Variants in SNTG1 observed in about 807,000 individuals in gnomAD.
SNTG1 encodes the protein syntrophin gamma 1.
In SNTG1, 39 loss-of-function variants were observed where a neutral mutation model predicts 74.7. The observed-to-expected ratio is 0.52, with a 90% CI of 0.40 to 0.68. The LOEUF (loss-of-function observed/expected upper bound fraction) is 0.68. SNTG1 is among the 30% of genes least tolerant of loss of function. The pLI, the probability that SNTG1 is intolerant of heterozygous loss-of-function variation, is 0.00. For synonymous variants in SNTG1, 254 were observed against 217.1 expected (o/e 1.17, Z -1.49); for missense variants, 685 against 609.5 (o/e 1.12, Z -1.30).
chr8:50,443,701 C>G (rs2093379165), intron 5 of SNTG1, among the ~76,000 whole-genome samples: 2 of 152,096 alleles, frequency 1.3e-5, no homozygotes, highest in Non-Finnish European at 2.9e-5. Context: ...CTCAGTCCCC[C>G]TAGAAGCCGA....
intron 1 of SNTG1, among the ~76,000 whole-genome samples, chr8:50,104,756 T>G (rs1009913357): frequency 1.3e-5 from 2 of 152,224 alleles, no homozygotes; most frequent in African/African-American, 2.4e-5. Flanking sequence ...GATTCTGGTA[T>G]GTTGTGTCTT....
At chr8:50,270,506 G>A (rs529094492) in intron 2 of SNTG1, among the ~76,000 whole-genome samples, 13 of 152,118 alleles carry the variant, frequency 8.5e-5, no homozygotes, top group Middle Eastern at 3.4e-3. Context: ...GATCAGAGAG[G>A]TATCTCATAA....
chr8:50,180,782 CAA>C (rs2083176165), intron 2 of SNTG1, among the ~76,000 whole-genome samples: 2 of 35,972 alleles, frequency 5.6e-5, no homozygotes, highest in Non-Finnish European at 9.7e-5. Context: ...TTTTTTTTAA[CAA>C]AGTTTTGCTC....
At chr8:50,078,538 C>CT (rs1297957055) in intron 1 of SNTG1, among the ~76,000 whole-genome samples, 2 of 151,798 alleles carry the variant, frequency 1.3e-5, no homozygotes, top group Admixed American at 1.3e-4. Flanking sequence ...AGATTTTTTT[C>CT]TTTTTTTACA....
intron 17 of SNTG1, among the ~76,000 whole-genome samples, chr8:50,729,760 G>A (rs2095508420): frequency 6.6e-6 from 1 of 152,156 alleles, no homozygotes; most frequent in South Asian, 2.1e-4. Context: ...CTGACCCACA[G>A]GTAATTGTAC....
chr8:50,363,030 G>A (rs1177021099), intron 2 of SNTG1, among the ~76,000 whole-genome samples: 3 of 151,920 alleles, frequency 2.0e-5, no homozygotes, highest in Non-Finnish European at 4.4e-5. Context: ...TCAGGACATA[G>A]CAGAACTTAA....
chr8:50,208,862 C>T (rs933773096), intron 2 of SNTG1, among the ~76,000 whole-genome samples: 5 of 152,136 alleles, frequency 3.3e-5, no homozygotes, highest in African/African-American at 1.2e-4. Flanking sequence ...TCTGCATTTC[C>T]AAGTGAGGTA....
At position 50,794,924 on chromosome 8, in the gene SNTG1, C is replaced by G. The variant is rs575178052; in HGVS notation, c.*2095C>G. 1 of 151,922 alleles carries G rather than the reference C, an allele frequency of 6.6e-6. No homozygotes were observed. Among genetic ancestry groups the G allele is most frequent in the Non-Finnish European group, 1.5e-5 (1 of 67,940 alleles). 9.4% of individuals were successfully genotyped at this position (151,922 alleles called of 1,614,324 possible). Reference sequence around the variant, plus strand: ...AAAAAACCTATTAACCATTAGCTATCTTTTTAGTGTTATTATGAAAATTTA... The same window carrying G: ...AAAAAACCTATTAACCATTAGCTATGTTTTTAGTGTTATTATGAAAATTTA... On this transcript the variant is annotated 3_prime_UTR_variant, in exon 19 of 19. Coordinates refer to ENST00000642720, the MANE Select transcript of SNTG1 (RefSeq NM_018967.5).
intron 15 of SNTG1, among the ~76,000 whole-genome samples, chr8:50,667,232 C>T (rs1040670884): frequency 1.9e-4 from 29 of 152,046 alleles, no homozygotes; most frequent in East Asian, 5.8e-4. Flanking sequence ...AATCATTTTA[C>T]GATAGAATTT....
chr8:50,319,530 T>A lies in SNTG1; in HGVS notation c.-27-74682T>A, dbSNP rs969756025. On this transcript the variant is annotated intron_variant, in intron 2 of 18. Coordinates refer to ENST00000642720, the MANE Select transcript of SNTG1 (RefSeq NM_018967.5). ...CTCTGCAAACAAGGATAATTAGACA[T>A]CTTCCTTTTCAATTTGTATGGCCTT... Among the ~76,000 whole-genome samples the A allele has an allele frequency of 8.5e-5, 13 of 152,192 alleles. No individual in the cohort carries two copies. The South Asian group carries it at 1.0e-3, about 12-fold the overall frequency.
At chr8:50,446,379 C>CAA (rs10679057) in intron 5 of SNTG1, among the ~76,000 whole-genome samples, 95,067 of 145,676 alleles carry the variant, frequency 0.65, 31,282 homozygotes, top group East Asian at 0.82. Context: ...AATTTAAAAG[C>CAA]AAAAAAAAAA....
chr8:50,584,503 T>C (rs1436800131), intron 12 of SNTG1, among the ~76,000 whole-genome samples: 1 of 140,358 alleles, frequency 7.1e-6, no homozygotes, highest in Non-Finnish European at 1.5e-5. Context: ...GATTTACATT[T>C]CTCTGATTCT....
intron 15 of SNTG1, among the ~76,000 whole-genome samples, chr8:50,672,299 C>A (rs2095287871): frequency 6.6e-6 from 1 of 152,040 alleles, no homozygotes; most frequent in Non-Finnish European, 1.5e-5. Flanking sequence ...ACATTCTCAC[C>A]AACAGTGTAA....
intron 1 of SNTG1, among the ~76,000 whole-genome samples, chr8:50,104,284 T>C (rs1026002930): frequency 1.4e-4 from 22 of 152,310 alleles, no homozygotes; most frequent in African/African-American, 5.3e-4. Context: ...CCTGGTTTAG[T>C]CTTGGGAGGG....
chr8:50,130,809 G>A (rs886675119), intron 1 of SNTG1, among the ~76,000 whole-genome samples: 5 of 151,958 alleles, frequency 3.3e-5, no homozygotes, highest in Non-Finnish European at 7.4e-5. Context: ...ACATAAAACA[G>A]AAGCAAATTT....
At chr8:50,043,985 A>G (rs766885482) in intron 1 of SNTG1, among the ~76,000 whole-genome samples, 3 of 152,234 alleles carry the variant, frequency 2.0e-5, no homozygotes, top group Non-Finnish European at 4.4e-5. Flanking sequence ...TAAATCATCT[A>G]TGATAACACT....
intron 1 of SNTG1, among the ~76,000 whole-genome samples, chr8:50,127,923 A>T (rs958684366): frequency 6.6e-6 from 1 of 152,136 alleles, no homozygotes; most frequent in Non-Finnish European, 1.5e-5. Context: ...ATGCCTTTTA[A>T]TATCACTTCT....
At chr8:50,272,747 T>A (rs2087851310) in intron 2 of SNTG1, among the ~76,000 whole-genome samples, 1 of 152,098 alleles carries the variant, frequency 6.6e-6, no homozygotes, top group South Asian at 2.1e-4. Context: ...CTACACTTTC[T>A]TTTTTTATAG....
At chr8:50,243,168 C>T (rs1244171944) in intron 2 of SNTG1, among the ~76,000 whole-genome samples, 1 of 26,024 alleles carries the variant, frequency 3.8e-5, no homozygotes, top group Non-Finnish European at 3.7e-4. Context: ...ATAAATGAGT[C>T]CTGAATTATC....
Sources: gnomAD v4.1 joint callset for allele counts (sites outside exome capture counted in the v4.1 genomes callset) on GRCh38, gnomAD v4.1.1 for gene constraint, MANE v1.5 for transcripts, NCBI Gene and HGNC (gene_info 2026-07-23, HGNC 2026-07-21) for gene names.